The following FER1L6 variants were observed in gnomAD, a reference collection of about 807,000 sequenced individuals.
The protein encoded by FER1L6 is fer-1-like protein 6.
In FER1L6, 177 loss-of-function variants were observed where a neutral mutation model predicts 219.2. The observed-to-expected ratio is 0.81, with a 90% CI of 0.71 to 0.91. FER1L6 has a LOEUF of 0.91. FER1L6 is among the 40% of genes least tolerant of loss of function. FER1L6 has a pLI of 0.00. For missense variants in FER1L6, 2,153 were observed against 2,259.9 expected (o/e 0.95, Z 0.96); for synonymous variants, 768 against 824.3 (o/e 0.93, Z 1.17).
intron 18 of FER1L6, among the ~76,000 whole-genome samples, chr8:124,031,496 C>A (rs1466635108): frequency 6.6e-6 from 1 of 152,078 alleles, no homozygotes; most frequent in African/African-American, 2.4e-5. Flanking sequence ...TGGAGTAGAA[C>A]CCTCTCTGGA....
intron 12 of FER1L6, among the ~76,000 whole-genome samples, chr8:123,990,098 C>A (rs1299691913): frequency 6.6e-6 from 1 of 152,060 alleles, no homozygotes; most frequent in Non-Finnish European, 1.5e-5. Flanking sequence ...GAAACCCCGT[C>A]TCTACTAAAA....
intron 35 of FER1L6, 50 bp downstream of exon 35, chr8:124,095,088 G>A (rs1222877477): frequency 6.2e-7 from 1 of 1,602,114 alleles, no homozygotes; most frequent in Non-Finnish European, 8.5e-7. Context: ...GTGTACTGTA[G>A]AGTAATGGTT....
chr8:124,025,739 G>T (rs77298563), intron 18 of FER1L6, among the ~76,000 whole-genome samples: 3,509 of 152,160 alleles, frequency 0.023, 142 homozygotes, highest in African/African-American at 0.079. Context: ...GATAGGAAGG[G>T]CATTGAATCT....
chr8:124,075,231 G>A (rs1821229141), intron 31 of FER1L6, among the ~76,000 whole-genome samples: 1 of 151,682 alleles, frequency 6.6e-6, no homozygotes, highest in South Asian at 2.1e-4. Context: ...ACACAAACAC[G>A]TTGTTCAGCT....
chr8:123,907,636 T>C (rs1266268455), intron 1 of FER1L6, among the ~76,000 whole-genome samples: 2 of 149,710 alleles, frequency 1.3e-5, no homozygotes, highest in Non-Finnish European at 3.0e-5. Context: ...TACTCCCCAG[T>C]ATGAGAAGAA....
At chr8:123,922,046 G>T (rs1258208061) in intron 1 of FER1L6, among the ~76,000 whole-genome samples, 3 of 152,202 alleles carry the variant, frequency 2.0e-5, no homozygotes, top group African/African-American at 7.2e-5. Flanking sequence ...TTCGCCCCAG[G>T]TACTATGATT....
intron 39 of FER1L6, among the ~76,000 whole-genome samples, chr8:124,117,674 G>A (rs1000662410): frequency 2.0e-5 from 3 of 152,078 alleles, no homozygotes; most frequent in Non-Finnish European, 4.4e-5. Flanking sequence ...AGACAGCCCT[G>A]CCACTCCCTC....
Position 123,872,379 on chromosome 8 carries a change from C to T in FER1L6, c.-8+20194C>T, listed in dbSNP as rs75073777. Among the ~76,000 whole-genome samples the T allele has an allele frequency of 9.1e-3, 1,381 of 152,190 alleles. 16 individuals carry two copies. Among genetic ancestry groups the T allele is most frequent in the Non-Finnish European group, 0.015 (999 of 68,008 alleles). On this transcript the variant is annotated intron_variant, in intron 1 of 40. Coordinates refer to ENST00000522917, the MANE Select transcript of FER1L6 (RefSeq NM_001039112.2). Reference sequence around the variant, plus strand: ...CAATTGAGGGAACTTCTACAACACACCTGATCAGTACTTCTTAAAACTACG... The same window carrying T: ...CAATTGAGGGAACTTCTACAACACATCTGATCAGTACTTCTTAAAACTACG...
chr8:123,964,197 A>T (rs1274832346), intron 3 of FER1L6, among the ~76,000 whole-genome samples: 1 of 152,154 alleles, frequency 6.6e-6, no homozygotes, highest in African/African-American at 2.4e-5. Flanking sequence ...TGTTGGAGAG[A>T]CTAAAAGTTA....
intron 31 of FER1L6, among the ~76,000 whole-genome samples, chr8:124,073,310 C>T (rs1017871940): frequency 2.6e-5 from 4 of 152,128 alleles, no homozygotes; most frequent in Admixed American, 2.0e-4. Flanking sequence ...GCATGGGGGA[C>T]GGAGGCCTTG....
At chr8:123,939,145 T>C (rs1814126911) in intron 1 of FER1L6, 9 of 985,096 alleles carry the variant, frequency 9.1e-6, no homozygotes, top group Non-Finnish European at 1.1e-5. Context: ...CTTGGCAGCA[T>C]TTCTCAAATT....
intron 12 of FER1L6, among the ~76,000 whole-genome samples, chr8:123,992,949 T>C (rs926677220): frequency 5.9e-5 from 9 of 152,220 alleles, no homozygotes; most frequent in Non-Finnish European, 1.2e-4. Context: ...CTTGATTTCA[T>C]TGTTAAACCA....
intron 39 of FER1L6, among the ~76,000 whole-genome samples, chr8:124,105,365 A>T (rs1222838068): frequency 6.6e-6 from 1 of 152,182 alleles, no homozygotes; most frequent in African/African-American, 2.4e-5. Context: ...AGGCCTCGAG[A>T]CTATGGTGAA....
intron 34 of FER1L6, among the ~76,000 whole-genome samples, 154 bp from the exon 35 acceptor site, chr8:124,094,742 C>T (rs974282322): frequency 6.6e-6 from 1 of 152,190 alleles, no homozygotes. Flanking sequence ...CCACCTTGGC[C>T]TCCCAAAGTG....
chr8:123,942,115 T>C (rs1188101073), intron 1 of FER1L6, among the ~76,000 whole-genome samples: 1 of 152,152 alleles, frequency 6.6e-6, no homozygotes, highest in Non-Finnish European at 1.5e-5. Flanking sequence ...GAGTGGAGGA[T>C]TGCAGCTCAG....
At chr8:124,055,749 G>C (rs1172687188) in intron 22 of FER1L6, among the ~76,000 whole-genome samples, 3 of 152,116 alleles carry the variant, frequency 2.0e-5, no homozygotes, top group Non-Finnish European at 4.4e-5. Context: ...GGTGGCTTAA[G>C]ACAACCCAAT....
chr8:124,000,703 T>C (rs1817366843), intron 12 of FER1L6, among the ~76,000 whole-genome samples: 1 of 152,202 alleles, frequency 6.6e-6, no homozygotes, highest in East Asian at 1.9e-4. Flanking sequence ...TCTTGGGCTA[T>C]TATGCAACTG....
intron 22 of FER1L6, among the ~76,000 whole-genome samples, chr8:124,055,543 C>T (rs926415211): frequency 1.3e-5 from 2 of 152,288 alleles, no homozygotes; most frequent in Middle Eastern, 6.8e-3. Flanking sequence ...CTTTTCCATT[C>T]TCCATACTTA....
chr8:123,943,306 G>C (rs1814339097), intron 1 of FER1L6, among the ~76,000 whole-genome samples: 1 of 152,156 alleles, frequency 6.6e-6, no homozygotes. Flanking sequence ...CTGGAGCTAG[G>C]GCTCTTTTGA....
Sources: allele counts gnomAD v4.1 joint callset (sites outside exome capture counted in the v4.1 genomes callset), GRCh38; gene constraint gnomAD v4.1.1; transcripts MANE v1.5; gene names NCBI Gene and HGNC (gene_info 2026-07-23, HGNC 2026-07-21).